The following PDE1C variants were observed in gnomAD, a reference collection of about 807,000 sequenced individuals.
PDE1C encodes dual specificity calcium/calmodulin-dependent 3',5'-cyclic nucleotide phosphodiesterase 1C.
A neutral mutation model predicts 93.1 loss-of-function variants in PDE1C; 62 were observed. The observed-to-expected ratio is 0.67, with a 90% CI of 0.54 to 0.82. The LOEUF is 0.82. Among genes scored for constraint, PDE1C ranks in the 40% least tolerant of loss-of-function variants. The pLI, the probability that PDE1C is intolerant of heterozygous loss-of-function variation, is 0.00. For missense variants in PDE1C, 742 were observed against 884.6 expected (o/e 0.84, Z 2.04); for synonymous variants, 325 against 310.1 (o/e 1.05, Z -0.50).
chr7:32,347,360 T>C (rs1783873532), intron 1 of PDE1C, among the ~76,000 whole-genome samples: 1 of 152,218 alleles, frequency 6.6e-6, no homozygotes, highest in Admixed American at 6.5e-5. Context: ...TCTCAGTCTT[T>C]ATAGACCTTG....
chr7:32,071,137 ACT>A (rs1488466210), upstream of PDE1C: 1 of 985,220 alleles, frequency 1.0e-6, no homozygotes, highest in Non-Finnish European at 1.2e-6. Flanking sequence ...GGCCGGGCAC[ACT>A]CACCCCCGCA....
At chr7:32,071,504 AC>A, upstream of PDE1C, 1 of 640,314 alleles carries the variant, frequency 1.6e-6, no homozygotes, top group Non-Finnish European at 1.8e-6. Context: ...TCACCCCCCC[AC>A]CCCCATCTCT....
the PDE1C span, among the ~76,000 whole-genome samples, chr7:31,693,501 AC>A: frequency 6.6e-6 from 1 of 152,156 alleles, no homozygotes; most frequent in African/African-American, 2.4e-5. Context: ...CCAGCAGTGT[AC>A]CCCTCAGCTT....
intron 3 of PDE1C, among the ~76,000 whole-genome samples, chr7:32,078,469 G>A (rs1190010808): frequency 6.6e-6 from 1 of 152,152 alleles, no homozygotes; most frequent in Non-Finnish European, 1.5e-5. Flanking sequence ...GTCTCTTGGG[G>A]AATTGGTAGA....
chr7:31,773,914 C>T (rs373445764), intron 17 of PDE1C, among the ~76,000 whole-genome samples: 14 of 152,126 alleles, frequency 9.2e-5, no homozygotes, highest in African/African-American at 3.1e-4. Flanking sequence ...ATGATTTTGA[C>T]AGGACTACAA....
At position 32,168,538 on chromosome 7, in the gene PDE1C, TAGAC is replaced by T. The variant is rs1345173195; in HGVS notation, c.308+1243_308+1246del. On this transcript the variant is annotated intron_variant, in intron 3 of 18. Coordinates refer to the PDE1C transcript ENST00000396193. ...AGAAATGCTCCAAGGTGAGAACACATAGACAGAGAAAGCCATTCATGGTCCCCTC... is the reference window on the plus strand; with the variant it reads ...AGAAATGCTCCAAGGTGAGAACACATAGAGAAAGCCATTCATGGTCCCCTC... Among the ~76,000 whole-genome samples the T allele has an allele frequency of 1.2e-4, 19 of 152,278 alleles. No homozygotes were observed. In the East Asian group the frequency reaches 3.5e-3, roughly 28 times the overall value.
At chr7:31,798,497 C>G (rs553394813) in intron 16 of PDE1C, among the ~76,000 whole-genome samples, 1 of 151,750 alleles carries the variant, frequency 6.6e-6, no homozygotes, top group East Asian at 1.9e-4. Context: ...CTCAAAATGC[C>G]AAACATTTTC....
the PDE1C span, among the ~76,000 whole-genome samples, chr7:31,745,471 A>C: frequency 5.3e-5 from 8 of 152,208 alleles, no homozygotes; most frequent in Admixed American, 3.9e-4. Flanking sequence ...ACCAGGATCT[A>C]TGTAATTTGT....
upstream of PDE1C, among the ~76,000 whole-genome samples, chr7:32,300,101 A>G (rs1812845662): frequency 1.3e-5 from 2 of 152,192 alleles, no homozygotes; most frequent in Non-Finnish European, 2.9e-5. Context: ...CTTGTCCCAA[A>G]AAAAACACAC....
intron 3 of PDE1C, among the ~76,000 whole-genome samples, chr7:32,083,263 G>T (rs902872417): frequency 1.9e-4 from 29 of 151,010 alleles, no homozygotes; most frequent in Non-Finnish European, 2.8e-4. Context: ...GATGGAAGAT[G>T]AAATGAATGA....
intron 1 of PDE1C, among the ~76,000 whole-genome samples, chr7:32,424,454 G>A (rs1014264284): frequency 6.6e-6 from 1 of 152,122 alleles, no homozygotes; most frequent in African/African-American, 2.4e-5. Flanking sequence ...TCTGACCATA[G>A]CTGGAACAAG....
At chr7:31,629,266 T>C in the PDE1C span, among the ~76,000 whole-genome samples, 2 of 119,640 alleles carry the variant, frequency 1.7e-5, no homozygotes, top group African/African-American at 3.0e-5. Context: ...AAAGAAGATA[T>C]GTGTGTTTAA....
chr7:32,025,384 G>C (rs971755485), intron 2 of PDE1C, among the ~76,000 whole-genome samples: 1 of 152,028 alleles, frequency 6.6e-6, no homozygotes, highest in Non-Finnish European at 1.5e-5. Context: ...GTTGAGGGTA[G>C]GGGGATTAGC....
At chr7:31,969,868 C>T (rs1338114149) in intron 2 of PDE1C, among the ~76,000 whole-genome samples, 3 of 152,128 alleles carry the variant, frequency 2.0e-5, no homozygotes, top group Admixed American at 6.6e-5. Context: ...TGGAAACCAT[C>T]ATTCTCAGCA....
chr7:31,791,252 G>T (rs1784564225), intron 16 of PDE1C, among the ~76,000 whole-genome samples: 1 of 152,100 alleles, frequency 6.6e-6, no homozygotes, highest in Non-Finnish European at 1.5e-5. Flanking sequence ...CAAGCTTCCT[G>T]CTGTTCCTCT....
chr7:31,722,094 GT>G, the PDE1C span, among the ~76,000 whole-genome samples: 1 of 152,092 alleles, frequency 6.6e-6, no homozygotes, highest in Non-Finnish European at 1.5e-5. Context: ...CCAGCTCCAT[GT>G]TCGACTCCCT....
At chr7:31,732,636 T>C in the PDE1C span, among the ~76,000 whole-genome samples, 27 of 103,200 alleles carry the variant, frequency 2.6e-4, no homozygotes, top group African/African-American at 8.3e-4. Context: ...TCTCCTCTCT[T>C]TCTGTGTGTG....
At chr7:31,631,000 T>A in the PDE1C span, among the ~76,000 whole-genome samples, 1 of 152,154 alleles carries the variant, frequency 6.6e-6, no homozygotes, top group Non-Finnish European at 1.5e-5. Context: ...TTGGTGACAT[T>A]AGAAAAACAA....
intron 3 of PDE1C, among the ~76,000 whole-genome samples, chr7:32,164,468 A>G (rs1208456262): frequency 6.6e-6 from 1 of 152,198 alleles, no homozygotes; most frequent in African/African-American, 2.4e-5. Context: ...GTCCAAGGTT[A>G]TGTGGTGCTA....
Sources: allele counts gnomAD v4.1 joint callset (sites outside exome capture counted in the v4.1 genomes callset), GRCh38; gene constraint gnomAD v4.1.1; transcripts MANE v1.5; gene names NCBI Gene and HGNC (gene_info 2026-07-23, HGNC 2026-07-21).